Variants in ZNF804A observed in about 807,000 individuals in gnomAD.
ZNF804A encodes zinc finger protein 804A.
Under a neutral mutation model 16.5 loss-of-function variants are expected in ZNF804A, and 2 were observed. The ratio of observed to expected loss-of-function variants is 0.12; its 90% CI spans 0.05 to 0.38. The LOEUF (loss-of-function observed/expected upper bound fraction) is 0.38, where lower values mean the gene tolerates loss of function less well. Among genes scored for constraint, ZNF804A ranks in the 10% least tolerant of loss-of-function variants. The pLI is 0.99. For missense variants in ZNF804A, 1,473 were observed against 1,390.7 expected (o/e 1.06, Z -0.94); for synonymous variants, 534 against 489.6 (o/e 1.09, Z -1.20).
chr2:184,794,774 A>G (rs528033584), intron 1 of ZNF804A, among the ~76,000 whole-genome samples: 54 of 152,282 alleles, frequency 3.5e-4, no homozygotes, highest in African/African-American at 1.3e-3. Flanking sequence ...TCTAACAAAT[A>G]AGGATGCATA....
Position 184,936,293 on chromosome 2 carries a change from C to T in ZNF804A, c.897C>T (p.Val299=). 6.2e-7 allele frequency: 1 copy of T among 1,613,832 alleles called. No homozygotes were observed. The highest frequency in any genetic ancestry group is 8.5e-7 in the Non-Finnish European group (1 of 1,179,930). ...TTCAAACTCAAGAGATAAAAGAAGTCTCTAGTGAAAAAGATGCATTATTAT... is the reference window on the plus strand; with the variant it reads ...TTCAAACTCAAGAGATAAAAGAAGTTTCTAGTGAAAAAGATGCATTATTAT... The part of the protein sequence containing the change: ...ETVQTQEIKE[V]SSEKDALLLP... Residue 299 remains valine (V), a synonymous_variant, in exon 4 of 4, where the codon GTC becomes GTT. Coordinates refer to ENST00000302277, the MANE Select transcript of ZNF804A (RefSeq NM_194250.2).
At chr2:184,671,042 AG>A (rs1437482120) in intron 1 of ZNF804A, among the ~76,000 whole-genome samples, 1 of 152,132 alleles carries the variant, frequency 6.6e-6, no homozygotes, top group Non-Finnish European at 1.5e-5. Flanking sequence ...CTATTTGTTC[AG>A]GTAGTAATTA....
At chr2:184,616,615 AG>A (rs1331741989) in intron 1 of ZNF804A, among the ~76,000 whole-genome samples, 2 of 152,150 alleles carry the variant, frequency 1.3e-5, no homozygotes, top group African/African-American at 4.8e-5. Context: ...AATAGGGAAT[AG>A]GTGCTTTCGG....
At chr2:184,660,116 A>G (rs1055657900) in intron 1 of ZNF804A, among the ~76,000 whole-genome samples, 3 of 152,218 alleles carry the variant, frequency 2.0e-5, no homozygotes, top group Non-Finnish European at 4.4e-5. Flanking sequence ...CTAGCAAACC[A>G]TCAAAAAAGA....
intron 2 of ZNF804A, among the ~76,000 whole-genome samples, chr2:184,890,066 T>C (rs972806168): frequency 6.6e-6 from 1 of 152,094 alleles, no homozygotes; most frequent in Non-Finnish European, 1.5e-5. Context: ...TTAGTGATAT[T>C]CCTTGGGATA....
intron 1 of ZNF804A, among the ~76,000 whole-genome samples, chr2:184,819,640 A>T (rs13394338): frequency 0.014 from 2,112 of 148,506 alleles, 45 homozygotes; most frequent in African/African-American, 0.045. Context: ...AGCTGTTTTT[A>T]AAAAAAAAAA....
At chr2:184,790,760 C>G (rs1177285965) in intron 1 of ZNF804A, among the ~76,000 whole-genome samples, 2 of 151,928 alleles carry the variant, frequency 1.3e-5, no homozygotes, top group Non-Finnish European at 2.9e-5. Context: ...CCTGCCACAA[C>G]GCCCGGCTAA....
chr2:184,896,456 A>T (rs1456791836), intron 2 of ZNF804A, among the ~76,000 whole-genome samples: 1 of 152,152 alleles, frequency 6.6e-6, no homozygotes, highest in Admixed American at 6.5e-5. Context: ...CATAGCTCAT[A>T]GCCAATAGTG....
At chr2:184,681,057 C>A (rs1372580530) in intron 1 of ZNF804A, among the ~76,000 whole-genome samples, 1 of 152,222 alleles carries the variant, frequency 6.6e-6, no homozygotes, top group Non-Finnish European at 1.5e-5. Context: ...CACGCTCACT[C>A]GCTCACATAC....
chr2:184,872,393 A>G (rs903477687), intron 2 of ZNF804A, among the ~76,000 whole-genome samples: 8 of 152,144 alleles, frequency 5.3e-5, no homozygotes, highest in African/African-American at 1.9e-4. Context: ...AGCTATCATT[A>G]TATTATTCAC....
chr2:184,758,631 A>C (rs1181948051), intron 1 of ZNF804A, among the ~76,000 whole-genome samples: 1 of 151,932 alleles, frequency 6.6e-6, no homozygotes, highest in Non-Finnish European at 1.5e-5. Context: ...GACATCATCA[A>C]ATTATGCTCT....
intron 1 of ZNF804A, among the ~76,000 whole-genome samples, chr2:184,619,147 A>G (rs750180992): frequency 1.3e-5 from 2 of 152,028 alleles, no homozygotes; most frequent in Non-Finnish European, 2.9e-5. Context: ...TGTGATTTGT[A>G]AAGAGGTTTC....
chr2:184,665,532 A>C (rs969167840), intron 1 of ZNF804A, among the ~76,000 whole-genome samples: 1 of 152,196 alleles, frequency 6.6e-6, no homozygotes, highest in Middle Eastern at 3.2e-3. Context: ...AAAACACCAT[A>C]CATTTATTAT....
intron 2 of ZNF804A, among the ~76,000 whole-genome samples, chr2:184,892,370 T>G (rs574294466): frequency 3.9e-5 from 6 of 152,052 alleles, no homozygotes; most frequent in East Asian, 3.9e-4. Context: ...GTGCATTTTT[T>G]GGGTTGTTGA....
chr2:184,625,491 A>G (rs1202006395), intron 1 of ZNF804A, among the ~76,000 whole-genome samples: 3 of 152,108 alleles, frequency 2.0e-5, no homozygotes, highest in African/African-American at 7.2e-5. Flanking sequence ...TATATGTTTC[A>G]TTACATAAAG....
intron 1 of ZNF804A, among the ~76,000 whole-genome samples, chr2:184,773,235 A>G (rs1284185493): frequency 6.6e-6 from 1 of 151,804 alleles, no homozygotes; most frequent in Non-Finnish European, 1.5e-5. Context: ...TCATATGGGT[A>G]TTAAACAGTT....
intron 2 of ZNF804A, among the ~76,000 whole-genome samples, chr2:184,916,953 T>C (rs1333614416): frequency 6.6e-6 from 1 of 152,196 alleles, no homozygotes; most frequent in Non-Finnish European, 1.5e-5. Context: ...TATTAAGGAC[T>C]AGGAATCTAT....
chr2:184,633,936 T>G (rs1691654182), intron 1 of ZNF804A, among the ~76,000 whole-genome samples: 1 of 152,150 alleles, frequency 6.6e-6, no homozygotes, highest in Admixed American at 6.5e-5. Flanking sequence ...GTTAAGACTT[T>G]TTTCTTTCCA....
intron 1 of ZNF804A, among the ~76,000 whole-genome samples, chr2:184,676,930 T>A (rs1027568671): frequency 6.6e-6 from 1 of 151,838 alleles, no homozygotes; most frequent in Non-Finnish European, 1.5e-5. Context: ...TAAATTTTAT[T>A]AAAAAAATAT....
Sources: allele counts gnomAD v4.1 joint callset (sites outside exome capture counted in the v4.1 genomes callset), GRCh38; gene constraint gnomAD v4.1.1; transcripts MANE v1.5; gene names NCBI Gene and HGNC (gene_info 2026-07-23, HGNC 2026-07-21).